The following CDH13 variants were observed in gnomAD, a reference collection of about 807,000 sequenced individuals.
CDH13 encodes cadherin-13.
In CDH13, 24 loss-of-function variants were observed where a neutral mutation model predicts 63.8. The ratio of observed to expected loss-of-function variants is 0.38; its 90% CI spans 0.27 to 0.53. The LOEUF is 0.53. Ranked by LOEUF, CDH13 falls within the 20% of genes least tolerant of loss-of-function variation. CDH13 has a pLI of 0.85. For synonymous variants in CDH13, 503 were observed against 355.3 expected, an observed-to-expected ratio of 1.42 and a Z score of -4.67; for missense variants, 1,049 against 903.1, an observed-to-expected ratio of 1.16 and a Z score of -2.07.
chr16:83,213,215 C>A (rs2039388969), intron 4 of CDH13, among the ~76,000 whole-genome samples: 1 of 152,154 alleles, frequency 6.6e-6, no homozygotes, highest in Non-Finnish European at 1.5e-5. Flanking sequence ...GGTCCTGCCT[C>A]TAAGACCTTT....
chr16:83,577,517 T>C (rs1463594035), intron 7 of CDH13, among the ~76,000 whole-genome samples: 3 of 152,206 alleles, frequency 2.0e-5, no homozygotes, highest in African/African-American at 7.2e-5. Flanking sequence ...TAACACCTTC[T>C]TTCTGTTGCA....
intron 5 of CDH13, among the ~76,000 whole-genome samples, chr16:83,333,834 T>C (rs1449327259): frequency 6.6e-6 from 1 of 152,186 alleles, no homozygotes; most frequent in Non-Finnish European, 1.5e-5. Flanking sequence ...TACCTACTTT[T>C]ATTCTAAGAA....
At chr16:83,434,309 C>G (rs2072218328) in intron 6 of CDH13, among the ~76,000 whole-genome samples, 3 of 152,308 alleles carry the variant, frequency 2.0e-5, no homozygotes, top group Middle Eastern at 3.4e-3. Context: ...CCTACCTGCT[C>G]CATCCACTGG....
intron 3 of CDH13, among the ~76,000 whole-genome samples, chr16:83,073,906 T>G (rs899424451): frequency 6.6e-6 from 1 of 152,176 alleles, no homozygotes; most frequent in African/African-American, 2.4e-5. Context: ...TGTGGTATTT[T>G]GTTACATGTA....
intron 4 of CDH13, among the ~76,000 whole-genome samples, chr16:83,176,512 GAAAAAAAAA>G (rs869250059): frequency 1.4e-5 from 1 of 71,784 alleles, no homozygotes; most frequent in African/African-American, 4.6e-5. Flanking sequence ...TCCAGCTAGA[GAAAAAAAAA>G]AAAAAAAAAA....
At chr16:83,644,102 C>A (rs1344499209) in intron 8 of CDH13, among the ~76,000 whole-genome samples, 2 of 152,222 alleles carry the variant, frequency 1.3e-5, no homozygotes, top group Non-Finnish European at 2.9e-5. Flanking sequence ...GACCCTGCAG[C>A]CTAAGAACAT....
At chr16:83,053,994 T>C (rs2030661498) in intron 3 of CDH13, among the ~76,000 whole-genome samples, 1 of 152,226 alleles carries the variant, frequency 6.6e-6, no homozygotes, top group Non-Finnish European at 1.5e-5. Flanking sequence ...TTACTGTACT[T>C]TTTGTGTTTA....
chr16:83,618,112 T>A (rs1307529549), intron 8 of CDH13, among the ~76,000 whole-genome samples: 1 of 152,138 alleles, frequency 6.6e-6, no homozygotes, highest in Non-Finnish European at 1.5e-5. Context: ...ACAATCAGAA[T>A]CTCTGAGTCA....
At chr16:83,071,521 C>G (rs1339916119) in intron 3 of CDH13, among the ~76,000 whole-genome samples, 2 of 152,196 alleles carry the variant, frequency 1.3e-5, no homozygotes, top group Non-Finnish European at 2.9e-5. Context: ...AACGTCTGCC[C>G]TCACTGACCC....
Position 83,388,386 on chromosome 16 carries a change from G to A in CDH13, c.781+43380G>A, listed in dbSNP as rs140084499. On this transcript the variant is annotated intron_variant, in intron 6 of 13. Coordinates refer to ENST00000567109, the MANE Select transcript of CDH13 (RefSeq NM_001257.5). ...GAGGATCGCTTGGGCCCAGAAAGTC[G>A]AGGCTACTTTGAGTCGTGATTGTAC... 1.8e-3 allele frequency among the ~76,000 whole-genome samples: 278 copies of A among 152,026 alleles called. 3 individuals are homozygous for A. Among genetic ancestry groups the A allele is most frequent in the African/African-American group, 5.5e-3 (228 of 41,432 alleles).
intron 7 of CDH13, among the ~76,000 whole-genome samples, chr16:83,526,613 C>G (rs1293002492): frequency 6.6e-6 from 1 of 152,208 alleles, no homozygotes; most frequent in Non-Finnish European, 1.5e-5. Flanking sequence ...GGCCCAATTC[C>G]TAACAGCGTA....
intron 12 of CDH13, among the ~76,000 whole-genome samples, chr16:83,780,824 A>G (rs1915464376): frequency 6.6e-6 from 1 of 152,162 alleles, no homozygotes; most frequent in Non-Finnish European, 1.5e-5. Flanking sequence ...CTCCCCAGCT[A>G]TCTCTTGGCT....
rs61370328 is a variant in CDH13, at chr16:82,901,324, C to CTGTGTGTGTG, written c.157+42885_157+42894dup. ...TCTTAGTGGAATAGATAGTATTCTC[C>CTGTGTGTGTG]TGTGTGTGTGTGTGTGTGTGTGTGT... On this transcript the variant is annotated intron_variant, in intron 2 of 13. Transcript: ENST00000567109. 7.8e-3 allele frequency among the ~76,000 whole-genome samples: 1,017 copies of CTGTGTGTGTG among 130,434 alleles called. 13 individuals are homozygous for CTGTGTGTGTG. The highest frequency in any genetic ancestry group is 0.028 in the Admixed American group (367 of 12,924). The allele number at this position is 130,434 out of a possible 152,430, so 85.6% of individuals were successfully genotyped here.
chr16:82,898,687 G>T (rs1021069555), intron 2 of CDH13, among the ~76,000 whole-genome samples: 2 of 152,174 alleles, frequency 1.3e-5, no homozygotes, highest in African/African-American at 4.8e-5. Flanking sequence ...TTTCACCTGG[G>T]CCTTGATGAG....
chr16:83,714,786 T>C (rs1908637500), intron 10 of CDH13, among the ~76,000 whole-genome samples: 1 of 152,142 alleles, frequency 6.6e-6, no homozygotes, highest in Non-Finnish European at 1.5e-5. Flanking sequence ...GGGAAATGCC[T>C]TCTTAATCTG....
chr16:82,743,043 C>A (rs190208489), intron 1 of CDH13, among the ~76,000 whole-genome samples: 1 of 152,060 alleles, frequency 6.6e-6, no homozygotes, highest in Non-Finnish European at 1.5e-5. Context: ...GAAATGTGTA[C>A]AATGTGAACA....
intron 2 of CDH13, among the ~76,000 whole-genome samples, chr16:82,946,220 A>G (rs961548470): frequency 2.0e-5 from 3 of 151,740 alleles, no homozygotes; most frequent in African/African-American, 7.3e-5. Context: ...ACATGGATGA[A>G]TGGAGGGAGG....
intron 3 of CDH13, among the ~76,000 whole-genome samples, chr16:83,116,730 T>C (rs1022178017): frequency 3.3e-5 from 5 of 152,220 alleles, no homozygotes; most frequent in African/African-American, 1.2e-4. Context: ...TTCCTAACAA[T>C]CACTGTGTTA....
chr16:83,598,731 A>T (rs749523278), intron 7 of CDH13, among the ~76,000 whole-genome samples: 18 of 152,290 alleles, frequency 1.2e-4, no homozygotes, highest in African/African-American at 3.8e-4. Context: ...TTGAATGATG[A>T]TTAACAACAA....
Sources: gnomAD v4.1 joint callset for allele counts (sites outside exome capture counted in the v4.1 genomes callset) on GRCh38, gnomAD v4.1.1 for gene constraint, MANE v1.5 for transcripts, NCBI Gene and HGNC (gene_info 2026-07-23, HGNC 2026-07-21) for gene names.